CCSER1: variants seen among roughly 807,000 people sequenced by gnomAD.
CCSER1 encodes the protein coiled-coil serine rich protein 1.
In CCSER1, 41 loss-of-function variants were observed where a neutral mutation model predicts 82.0. That is an observed-to-expected ratio of 0.50 (90% CI 0.39 to 0.65). The LOEUF (loss-of-function observed/expected upper bound fraction) is 0.65. Among genes scored for constraint, CCSER1 ranks in the 30% least tolerant of loss-of-function variants. The pLI is 0.00. For synonymous variants in CCSER1, 414 were observed against 383.9 expected (o/e 1.08, Z -0.92); for missense variants, 1,119 against 1,064.2 (o/e 1.05, Z -0.72).
chr4:91,450,986 C>T (rs757811703), intron 10 of CCSER1, among the ~76,000 whole-genome samples: 79 of 152,070 alleles, frequency 5.2e-4, no homozygotes, highest in Non-Finnish European at 8.8e-4. Context: ...ACTGAGTGAC[C>T]TATGAACAAC....
At chr4:90,591,094 C>T (rs934830142) in intron 5 of CCSER1, among the ~76,000 whole-genome samples, 1 of 152,112 alleles carries the variant, frequency 6.6e-6, no homozygotes, top group African/African-American at 2.4e-5. Flanking sequence ...ATTTGGCTCT[C>T]TGCTTGTCTA....
intron 7 of CCSER1, among the ~76,000 whole-genome samples, chr4:90,730,853 T>C (rs978605444): frequency 2.0e-5 from 3 of 152,160 alleles, no homozygotes; most frequent in Non-Finnish European, 2.9e-5. Flanking sequence ...GAATGAATGA[T>C]GAGACAAGTA....
chr4:90,422,561 C>T (rs1470359431), intron 4 of CCSER1, among the ~76,000 whole-genome samples: 1 of 152,104 alleles, frequency 6.6e-6, no homozygotes, highest in Non-Finnish European at 1.5e-5. Context: ...CACCACTGCA[C>T]TCCAGCCTGG....
intron 6 of CCSER1, among the ~76,000 whole-genome samples, chr4:90,683,800 A>C (rs1395995505): frequency 6.6e-6 from 1 of 152,124 alleles, no homozygotes; most frequent in Non-Finnish European, 1.5e-5. Context: ...AAAAAAAAAG[A>C]TAATGTCTCA....
chr4:90,762,394 G>T (rs1359376710), intron 7 of CCSER1, among the ~76,000 whole-genome samples: 1 of 152,124 alleles, frequency 6.6e-6, no homozygotes, highest in East Asian at 1.9e-4. Flanking sequence ...TCAGTCTTGG[G>T]TATGTCTTTA....
intron 8 of CCSER1, among the ~76,000 whole-genome samples, chr4:90,905,472 G>A (rs551132578): frequency 1.4e-3 from 206 of 151,800 alleles, no homozygotes; most frequent in African/African-American, 4.7e-3. Context: ...ACAATCCCTT[G>A]CTTACTGCCT....
At chr4:91,579,990 GA>G (rs1763652442) in intron 10 of CCSER1, among the ~76,000 whole-genome samples, 1 of 151,788 alleles carries the variant, frequency 6.6e-6, no homozygotes, top group Non-Finnish European at 1.5e-5. Context: ...AATCATGAGG[GA>G]TAAATGTAAT....
intron 10 of CCSER1, among the ~76,000 whole-genome samples, chr4:91,296,483 A>ATATATATATATATATATATATATAT (rs1175690764): frequency 8.1e-6 from 1 of 124,068 alleles, no homozygotes; most frequent in African/African-American, 3.4e-5. Context: ...ATATATATAT[A>ATATATATATATATATATATATATAT]TATTTTAATT....
intron 5 of CCSER1, among the ~76,000 whole-genome samples, chr4:90,483,873 G>T (rs1039637437): frequency 3.3e-5 from 5 of 152,132 alleles, no homozygotes; most frequent in African/African-American, 1.2e-4. Flanking sequence ...TTCTTGTGGA[G>T]TATCTTTGTG....
At position 91,241,824 on chromosome 4, in the gene CCSER1, G is replaced by A. The variant is rs190277207; in HGVS notation, c.2217+155830G>A. 5.1e-4 allele frequency among the ~76,000 whole-genome samples: 77 copies of A among 152,148 alleles called. No individual in the cohort carries two copies. The East Asian group carries it at 0.015, about 29-fold the overall frequency. On this transcript the variant is annotated intron_variant, in intron 10 of 10. Coordinates refer to ENST00000509176, the MANE Select transcript of CCSER1 (RefSeq NM_001145065.2). ...TATACCAAAATGAATTGCAGCTCTA[G>A]CATGTGTTAGATATTGTGCTAAGGA...
chr4:90,505,726 G>T (rs945467821), intron 5 of CCSER1, among the ~76,000 whole-genome samples: 4 of 152,136 alleles, frequency 2.6e-5, no homozygotes, highest in African/African-American at 9.7e-5. Context: ...GGCACTGATG[G>T]GAGTTTCCTT....
At chr4:91,381,095 A>C (rs1037835754) in intron 10 of CCSER1, among the ~76,000 whole-genome samples, 2 of 152,192 alleles carry the variant, frequency 1.3e-5, no homozygotes, top group Non-Finnish European at 2.9e-5. Flanking sequence ...TCTGGATTAT[A>C]GAGCTTCTGC....
chr4:90,255,490 T>G (rs1199331110), intron 1 of CCSER1, among the ~76,000 whole-genome samples: 1 of 152,180 alleles, frequency 6.6e-6, no homozygotes, highest in African/African-American at 2.4e-5. Context: ...AAATTATGGT[T>G]ATTTTAATCA....
At chr4:91,276,597 G>T (rs1362495467) in intron 10 of CCSER1, among the ~76,000 whole-genome samples, 1 of 151,852 alleles carries the variant, frequency 6.6e-6, no homozygotes, top group Non-Finnish European at 1.5e-5. Context: ...TCCAAACAGG[G>T]ATAATTTTAC....
chr4:90,461,356 C>G (rs367709296), intron 4 of CCSER1, among the ~76,000 whole-genome samples: 1 of 117,118 alleles, frequency 8.5e-6, no homozygotes, highest in Non-Finnish European at 1.7e-5. Flanking sequence ...CGTGAGCCAC[C>G]GCGCCCGGCC....
chr4:90,672,794 G>A (rs1733053046), intron 6 of CCSER1, among the ~76,000 whole-genome samples: 1 of 151,754 alleles, frequency 6.6e-6, no homozygotes, highest in Non-Finnish European at 1.5e-5. Flanking sequence ...ATGATTAATT[G>A]GCATAATTTA....
At chr4:90,976,970 T>C (rs528004051) in intron 9 of CCSER1, among the ~76,000 whole-genome samples, 49 of 151,646 alleles carry the variant, frequency 3.2e-4, no homozygotes, top group Admixed American at 5.9e-4. Context: ...CCTTTGAAAG[T>C]GAAGGTGACA....
chr4:90,683,317 C>T (rs1371441275), intron 6 of CCSER1, among the ~76,000 whole-genome samples: 1 of 151,910 alleles, frequency 6.6e-6, no homozygotes, highest in Non-Finnish European at 1.5e-5. Flanking sequence ...AAATTATGCC[C>T]CTTTCTCTTC....
chr4:91,588,959 T>C (rs1459592799), intron 10 of CCSER1, among the ~76,000 whole-genome samples: 1 of 151,862 alleles, frequency 6.6e-6, no homozygotes, highest in African/African-American at 2.4e-5. Flanking sequence ...ATAGTTTGTA[T>C]GAAAGCCATT....
Sources: allele counts gnomAD v4.1 joint callset (sites outside exome capture counted in the v4.1 genomes callset), GRCh38; gene constraint gnomAD v4.1.1; transcripts MANE v1.5; gene names NCBI Gene and HGNC (gene_info 2026-07-23, HGNC 2026-07-21).